Variants in LPP observed in about 807,000 individuals in gnomAD.
The protein encoded by LPP is LIM domain containing preferred translocation partner in lipoma.
A neutral mutation model predicts 60.4 loss-of-function variants in LPP; 38 were observed. That is an observed-to-expected ratio of 0.63 (90% CI 0.49 to 0.83). The LOEUF (loss-of-function observed/expected upper bound fraction) is 0.83. Ranked by LOEUF, LPP falls within the 40% of genes least tolerant of loss-of-function variation. LPP has a pLI of 0.00. For missense variants in LPP, 902 were observed against 783.6 expected (o/e 1.15, Z -1.80); for synonymous variants, 328 against 290.8 (o/e 1.13, Z -1.30).
chr3:188,175,470 G>T (rs1453752436), intron 1 of LPP, among the ~76,000 whole-genome samples: 1 of 152,154 alleles, frequency 6.6e-6, no homozygotes, highest in African/African-American at 2.4e-5. Flanking sequence ...TCACAATAAA[G>T]TTTCAGGCAC....
In LPP at chr3:188,160,869, G is replaced by A. The variant is rs1718055824; in HGVS notation, c.-190+6617G>A. 2.0e-5 allele frequency among the ~76,000 whole-genome samples: 3 copies of A among 152,230 alleles called. No homozygotes were observed. The South Asian group carries it at 6.2e-4, about 31-fold the overall frequency. On this transcript the variant is annotated intron_variant, in intron 1 of 11. Coordinates refer to ENST00000617246, the MANE Select transcript of LPP (RefSeq NM_001375462.1). ...AAAGTAATGAGCAAAGGGCTAATGG[G>A]AACATGGAGAAAGGAGTGACCAATC... is the stretch of plus-strand genomic sequence containing the variant.
chr3:188,463,433 T>G (rs1223191781), intron 4 of LPP, among the ~76,000 whole-genome samples: 4 of 152,094 alleles, frequency 2.6e-5, no homozygotes, highest in African/African-American at 4.8e-5. Context: ...TGGCCTCAGG[T>G]TGATCCTCAA....
At chr3:188,704,442 C>A (rs1302217973) in intron 7 of LPP, among the ~76,000 whole-genome samples, 1 of 152,126 alleles carries the variant, frequency 6.6e-6, no homozygotes, top group Non-Finnish European at 1.5e-5. Flanking sequence ...ACAAGCTCAC[C>A]TAAGGATGCC....
At chr3:188,800,856 G>T (rs1747018680) in intron 9 of LPP, among the ~76,000 whole-genome samples, 1 of 151,920 alleles carries the variant, frequency 6.6e-6, no homozygotes, top group African/African-American at 2.4e-5. Flanking sequence ...CCTTTATCCA[G>T]GTTTTTTGTT....
chr3:188,248,472 A>ATATATATATATATATATATG (rs1371786643), intron 2 of LPP, among the ~76,000 whole-genome samples: 9 of 122,600 alleles, frequency 7.3e-5, no homozygotes, highest in African/African-American at 2.9e-4. Context: ...ATAACTTTAT[A>ATATATATATATATATATATG]TATATATATA....
At chr3:188,640,005 A>T (rs1849718480) in intron 7 of LPP, among the ~76,000 whole-genome samples, 2 of 152,154 alleles carry the variant, frequency 1.3e-5, no homozygotes, top group African/African-American at 4.8e-5. Context: ...TGACCCAGCC[A>T]TCCCATTACT....
At chr3:188,223,795 C>T (rs756764295) in intron 1 of LPP, among the ~76,000 whole-genome samples, 10 of 152,092 alleles carry the variant, frequency 6.6e-5, no homozygotes, top group South Asian at 2.1e-4. Flanking sequence ...CAACCTTTTT[C>T]GTTTGTTTTA....
Position 188,843,786 on chromosome 3 carries a change from C to CAAAAAAAAAAAAAAAAAAAAAAA in LPP, c.1411-22402_1411-22401insAAAAAAAAAAAAAAAAAAAAAAA, listed in dbSNP as rs544161994. Among the ~76,000 whole-genome samples the CAAAAAAAAAAAAAAAAAAAAAAA allele has an allele frequency of 1.4e-3, 104 of 75,588 alleles. 2 individuals are homozygous for CAAAAAAAAAAAAAAAAAAAAAAA. Among genetic ancestry groups the CAAAAAAAAAAAAAAAAAAAAAAA allele is most frequent in the African/African-American group, 3.6e-3 (73 of 20,388 alleles). The allele number at this position is 75,588 out of a possible 152,430, so 49.6% of individuals were successfully genotyped here. A position where few individuals can be genotyped will look rare whatever the true frequency, so the allele number is the denominator to read the frequency against. Reference sequence around the variant, plus strand: ...TGGGCGACAGAGCAAGACTCCGTCTCAAAAAAAAAAAATCCTTCCTCTGGG... The same window carrying CAAAAAAAAAAAAAAAAAAAAAAA: ...TGGGCGACAGAGCAAGACTCCGTCTCAAAAAAAAAAAAAAAAAAAAAAAAAAAAAAAAAAATCCTTCCTCTGGG... On this transcript the variant is annotated intron_variant, in intron 9 of 11. Coordinates refer to ENST00000617246, the MANE Select transcript of LPP (RefSeq NM_001375462.1).
At chr3:188,817,237 T>C (rs1232097568) in intron 9 of LPP, among the ~76,000 whole-genome samples, 1 of 152,082 alleles carries the variant, frequency 6.6e-6, no homozygotes, top group Non-Finnish European at 1.5e-5. Context: ...GGGGTTGGAG[T>C]AGAATCTGGT....
chr3:188,290,632 G>A (rs1449331203), intron 2 of LPP, among the ~76,000 whole-genome samples: 1 of 151,886 alleles, frequency 6.6e-6, no homozygotes, highest in African/African-American at 2.4e-5. Flanking sequence ...GTTTAGTTTA[G>A]AACATAGGAG....
Position 188,524,878 on chromosome 3 carries a change from CCCTTCCTTCCTTCCGTCCGTCCTTCCTT to C in LPP, c.429+106_429+133del, listed in dbSNP as rs1321008835. 3.3e-5 allele frequency: 21 copies of C among 634,146 alleles called. 3 individuals carry two copies. Among genetic ancestry groups the C allele is most frequent in the Admixed American group, 2.3e-4 (6 of 26,008 alleles). The allele number at this position is 634,146 out of a possible 1,614,324, so 39.3% of individuals were successfully genotyped here. On this transcript the variant is annotated intron_variant, in intron 6 of 11. Transcript: ENST00000617246. The stretch of plus-strand genomic sequence containing the variant: ...CATGCTGCACCTGAGAGCTTATTTC[CCCTTCCTTCCTTCCGTCCGTCCTTCCTT>C]CCTTCCTTCCTTCCTTCCTTCCTTC...
chr3:188,363,311 C>T lies in LPP; in HGVS notation c.-10+21592C>T, dbSNP rs575213390. ...GAAGGTACCATCAGCATTTCAAATG[C>T]TAAGTCAAGGTAAAAACGACACTCT... On this transcript the variant is annotated intron_variant, in intron 3 of 11. Coordinates refer to ENST00000617246, the MANE Select transcript of LPP (RefSeq NM_001375462.1). Among the ~76,000 whole-genome samples the T allele has an allele frequency of 1.2e-3, 180 of 152,190 alleles. 2 individuals carry two copies. The South Asian group carries it at 0.022, about 18-fold the overall frequency.
intron 2 of LPP, among the ~76,000 whole-genome samples, chr3:188,323,492 C>T (rs1757521731): frequency 6.6e-6 from 1 of 152,182 alleles, no homozygotes; most frequent in South Asian, 2.1e-4. Flanking sequence ...GGGAAGAAAA[C>T]TTTGCAAAGC....
chr3:188,488,404 G>A (rs1807261798), intron 5 of LPP, among the ~76,000 whole-genome samples: 1 of 152,060 alleles, frequency 6.6e-6, no homozygotes, highest in Non-Finnish European at 1.5e-5. Context: ...ACAGGGGAAG[G>A]ATTTGGTTTG....
intron 5 of LPP, among the ~76,000 whole-genome samples, chr3:188,489,924 C>A (rs1030985439): frequency 1.3e-5 from 2 of 152,178 alleles, no homozygotes; most frequent in African/African-American, 4.8e-5. Context: ...TATTTGCATA[C>A]CTCTGGTTTT....
intron 2 of LPP, among the ~76,000 whole-genome samples, chr3:188,265,934 A>G (rs990655124): frequency 1.3e-5 from 2 of 150,146 alleles, no homozygotes. Context: ...TATACATTTC[A>G]GAGTCTTTTT....
chr3:188,422,576 G>A (rs1011682989), intron 4 of LPP, among the ~76,000 whole-genome samples: 2 of 152,152 alleles, frequency 1.3e-5, no homozygotes, highest in African/African-American at 4.8e-5. Flanking sequence ...ATGAGATTGT[G>A]ACTAGGGAGT....
intron 9 of LPP, among the ~76,000 whole-genome samples, chr3:188,852,115 G>A: frequency 6.6e-6 from 1 of 152,186 alleles, no homozygotes; most frequent in East Asian, 1.9e-4. Flanking sequence ...AGTGAGCTGA[G>A]ATCATGCCAC....
At chr3:188,473,389 T>G (rs191005029) in intron 4 of LPP, among the ~76,000 whole-genome samples, 38 of 152,338 alleles carry the variant, frequency 2.5e-4, no homozygotes, top group Non-Finnish European at 4.3e-4. Flanking sequence ...TTTTATTGCC[T>G]TGTCACCTTA....
Sources: gnomAD v4.1 joint callset for allele counts (sites outside exome capture counted in the v4.1 genomes callset) on GRCh38, gnomAD v4.1.1 for gene constraint, MANE v1.5 for transcripts, NCBI Gene and HGNC (gene_info 2026-07-23, HGNC 2026-07-21) for gene names.